The following TSKU variants were observed in gnomAD, a reference collection of about 807,000 sequenced individuals.
TSKU encodes the protein tsukushi.
Under a neutral mutation model 11.2 loss-of-function variants are expected in TSKU, and 4 were observed. That is an observed-to-expected ratio of 0.36 (90% CI 0.18 to 0.82). The LOEUF is 0.82. Ranked by LOEUF, TSKU falls within the 40% of genes least tolerant of loss-of-function variation. The probability of loss-of-function intolerance (pLI) is 0.50; values close to 1 mark genes in which losing one functional copy is unlikely to be tolerated. For missense variants in TSKU, 407 were observed against 482.5 expected (o/e 0.84, Z 1.47); for synonymous variants, 220 against 232.2 (o/e 0.95, Z 0.48).
At chr11:76,793,707 A>C (rs1467710968) in intron 1 of TSKU, among the ~76,000 whole-genome samples, 1 of 152,108 alleles carries the variant, frequency 6.6e-6, no homozygotes, top group Non-Finnish European at 1.5e-5. Context: ...TTTTGGTTCC[A>C]GACATTGGAA....
intron 1 of TSKU, among the ~76,000 whole-genome samples, chr11:76,789,535 C>G (rs1944344101): frequency 6.6e-6 from 1 of 152,208 alleles, no homozygotes; most frequent in Non-Finnish European, 1.5e-5. Context: ...TCACTGTGGA[C>G]CTGGCCCTGT....
intron 1 of TSKU, chr11:76,791,693 A>G (rs370187464): frequency 2.6e-5 from 4 of 152,354 alleles, no homozygotes; most frequent in East Asian, 3.9e-4. Context: ...TTCATTTTAC[A>G]AAACCCAAAC....
chr11:76,789,540 C>T (rs536799268), intron 1 of TSKU, among the ~76,000 whole-genome samples: 2 of 152,344 alleles, frequency 1.3e-5, no homozygotes, highest in South Asian at 2.1e-4. Flanking sequence ...GTGGACCTGG[C>T]CCTGTGGGCC....
Position 76,795,620 on chromosome 11 carries a change from C to T in TSKU, c.4C>T (p.Pro2Ser). ...GGCTCTCTTTCTAGCCCCCACCATG[C>T]CGTGGCCCCTGCTGCTGCTGCTGGC... Reference protein sequence around the residue: MPWPLLLLLAVS... With the variant: MSWPLLLLLAVS... The change falls in exon 2 of 2, where the codon CCG becomes TCG. Residue 2 changes from proline (P) to serine (S), a missense_variant. Pro to Ser is a moderately conservative substitution (Grantham distance 74). Coordinates refer to ENST00000333090, the MANE Select transcript of TSKU (RefSeq NM_015516.4). 1.2e-6 allele frequency: 2 copies of T among 1,609,766 alleles called. No homozygotes were observed. Among genetic ancestry groups the T allele is most frequent in the South Asian group, 1.1e-5 (1 of 91,018 alleles).
intron 1 of TSKU, among the ~76,000 whole-genome samples, chr11:76,786,683 G>C (rs931150604): frequency 6.6e-6 from 1 of 152,138 alleles, no homozygotes; most frequent in Non-Finnish European, 1.5e-5. Flanking sequence ...TAGGGATGAG[G>C]GAAAGGGAAG....
At chr11:76,793,867 C>T (rs1268429979) in intron 1 of TSKU, among the ~76,000 whole-genome samples, 1 of 152,030 alleles carries the variant, frequency 6.6e-6, no homozygotes, top group African/African-American at 2.4e-5. Flanking sequence ...TTTCCCTGCC[C>T]CTGGGCAAAG....
In TSKU at chr11:76,797,699, C is replaced by T. The variant is rs1283312788; in HGVS notation, c.*1021C>T. The T allele has an allele frequency of 1.2e-5, 2 of 167,064 alleles. No individual in the cohort carries two copies. Among genetic ancestry groups the T allele is most frequent in the South Asian group, 2.1e-4 (1 of 4,826 alleles). The allele number at this position is 167,064 out of a possible 1,614,324, so 10.3% of individuals were successfully genotyped here. The stretch of plus-strand genomic sequence containing the variant: ...CTCCAAGGGGCCTCCTGGATTCAGT[C>T]CCCACTGGCCCTGAGCACGACAGCC... On this transcript the variant is annotated 3_prime_UTR_variant, in exon 2 of 2. Coordinates refer to ENST00000333090, the MANE Select transcript of TSKU (RefSeq NM_015516.4).
At chr11:76,793,812 G>A (rs916286835) in intron 1 of TSKU, among the ~76,000 whole-genome samples, 4 of 152,176 alleles carry the variant, frequency 2.6e-5, no homozygotes, top group African/African-American at 9.7e-5. Context: ...GGGTGGGAGA[G>A]GAGGGTCCCA....
At position 76,796,292 on chromosome 11, in the gene TSKU, G is replaced by A. The variant is rs564872747; in HGVS notation, c.676G>A (p.Ala226Thr). The change falls in exon 2 of 2, where the codon GCG becomes ACG. Residue 226 changes from alanine (A) to threonine (T), a missense_variant. Physicochemically the swap from Ala to Thr is moderately conservative, Grantham distance 58. Transcript: ENST00000333090. The surrounding 1 kb of genome is among the most constrained non-coding windows in gnomAD (Gnocchi z 4.1). The part of the protein sequence containing the change: ...PLAVIGPGAF[A>T]GLGGLTHLSL... ...AGCTGTCATTGGTCCGGGTGCCTTCGCGGGGCTGGGAGGCCTTACACACCT... is the reference window on the plus strand; with the variant it reads ...AGCTGTCATTGGTCCGGGTGCCTTCACGGGGCTGGGAGGCCTTACACACCT... The A allele has an allele frequency of 1.6e-5, 26 of 1,613,298 alleles. No individual in the cohort carries two copies. The highest frequency in any genetic ancestry group is 4.5e-5 in the East Asian group (2 of 44,854).
chr11:76,796,958 T>C lies in TSKU; in HGVS notation c.*280T>C. The C allele has an allele frequency of 3.9e-6, 1 of 255,134 alleles. No individual in the cohort carries two copies. Among genetic ancestry groups the C allele is most frequent in the East Asian group, 7.8e-5 (1 of 12,794 alleles). The allele number at this position is 255,134 out of a possible 1,614,324, so 15.8% of individuals were successfully genotyped here. ...CCCTCCTGCTTCCCTTCCCCACTTA[T>C]CCCCCAAGTGCCTTCCCTCATGCCT... On this transcript the variant is annotated 3_prime_UTR_variant, in exon 2 of 2. Transcript: ENST00000333090. This position sits in a 1 kb window ranked among gnomAD's most constrained non-coding sequence, Gnocchi z 4.1.
intron 1 of TSKU, among the ~76,000 whole-genome samples, chr11:76,790,003 G>A (rs772440834): frequency 4.3e-4 from 66 of 151,992 alleles, no homozygotes; most frequent in Non-Finnish European, 7.9e-4. Context: ...TGAGGACAGG[G>A]ACCCTAGTAT....
At position 76,796,599 on chromosome 11, in the gene TSKU, G is replaced by C. The variant is rs890129397; in HGVS notation, c.983G>C (p.Arg328Thr). 7 of 1,515,272 alleles carry C rather than the reference G, an allele frequency of 4.6e-6. No individual in the cohort carries two copies. The highest frequency in any genetic ancestry group is 6.2e-6 in the Non-Finnish European group (7 of 1,131,376). The allele number at this position is 1,515,272 out of a possible 1,614,324, so 93.9% of individuals were successfully genotyped here. The change falls in exon 2 of 2, where the codon AGG becomes ACG. Residue 328 changes from arginine to threonine, a missense_variant. Physicochemically the swap from Arg to Thr is moderately conservative, Grantham distance 71 (BLOSUM62 -1). Transcript: ENST00000333090. This position sits in a 1 kb window ranked among gnomAD's most constrained non-coding sequence, Gnocchi z 4.1. ...GTGCGGGAGGGCACCTACCCCCGGAGGCCTGGCTCCAGCCCCAAGGTGGCC... is the reference window on the plus strand; with the variant it reads ...GTGCGGGAGGGCACCTACCCCCGGACGCCTGGCTCCAGCCCCAAGGTGGCC... ...RLVREGTYPR[R>T]PGSSPKVALH...
chr11:76,782,565 T>G (rs947455841), upstream of TSKU: 2 of 140,928 alleles, frequency 1.4e-5, no homozygotes, highest in Non-Finnish European at 3.1e-5. Context: ...TTCCTGCCCT[T>G]TTTTTTTTTT....
chr11:76,789,592 C>T (rs147305243), intron 1 of TSKU, among the ~76,000 whole-genome samples: 34 of 152,338 alleles, frequency 2.2e-4, no homozygotes, highest in Non-Finnish European at 4.0e-4. Context: ...GAAGGCCTTA[C>T]GGTATATCCC....
intron 1 of TSKU, among the ~76,000 whole-genome samples, chr11:76,793,412 C>T (rs576051126): frequency 6.6e-6 from 1 of 152,326 alleles, no homozygotes; most frequent in African/African-American, 2.4e-5. Context: ...AGCGAGAGGT[C>T]CCCTCTGGCG....
chr11:76,794,401 A>G (rs1944414560), intron 1 of TSKU, among the ~76,000 whole-genome samples: 1 of 152,242 alleles, frequency 6.6e-6, no homozygotes, highest in South Asian at 2.1e-4. Context: ...ACACTGGCTC[A>G]TGCCACAGCA....
At chr11:76,783,347 G>A (rs1944262797), upstream of TSKU, 1 of 151,254 alleles carries the variant, frequency 6.6e-6, no homozygotes, top group Non-Finnish European at 1.5e-5. Context: ...TGGCCGGAGG[G>A]CCCGCGGCCG....
At chr11:76,786,179 A>G (rs1944310423) in intron 1 of TSKU, among the ~76,000 whole-genome samples, 2 of 152,344 alleles carry the variant, frequency 1.3e-5, no homozygotes. Flanking sequence ...TCTGTCCATG[A>G]CATTTCATTC....
At chr11:76,794,173 T>C (rs527788707) in intron 1 of TSKU, among the ~76,000 whole-genome samples, 33 of 152,270 alleles carry the variant, frequency 2.2e-4, no homozygotes, top group African/African-American at 7.2e-4. Context: ...GACTATCCAA[T>C]TGGTCTAGTT....
Sources: allele counts gnomAD v4.1 joint callset (sites outside exome capture counted in the v4.1 genomes callset), GRCh38; gene constraint gnomAD v4.1.1; non-coding constraint Gnocchi (gnomAD v3.1); transcripts MANE v1.5; gene names NCBI Gene and HGNC (gene_info 2026-07-23, HGNC 2026-07-21).